Variants in LDLRAD3 observed in about 807,000 individuals in gnomAD.
LDLRAD3 encodes the protein low-density lipoprotein receptor class A domain-containing protein 3.
In LDLRAD3, 20 loss-of-function variants were observed where a neutral mutation model predicts 29.4. That is an observed-to-expected ratio of 0.68 (90% CI 0.48 to 0.99). LDLRAD3 has a LOEUF of 0.99. Ranked by LOEUF, LDLRAD3 falls within the 50% of genes least tolerant of loss-of-function variation. LDLRAD3 has a pLI of 0.00. For synonymous variants in LDLRAD3, 157 were observed against 192.7 expected (o/e 0.81, Z 1.53); for missense variants, 420 against 454.3 (o/e 0.92, Z 0.69).
At chr11:36,177,389 C>A (rs1425882876) in intron 4 of LDLRAD3, among the ~76,000 whole-genome samples, 2 of 152,070 alleles carry the variant, frequency 1.3e-5, no homozygotes, top group Non-Finnish European at 2.9e-5. Context: ...TGATAAAGAA[C>A]CTTGCTTTGT....
At chr11:36,209,095 C>T (rs934046120) in intron 4 of LDLRAD3, among the ~76,000 whole-genome samples, 4 of 152,144 alleles carry the variant, frequency 2.6e-5, no homozygotes, top group Non-Finnish European at 5.9e-5. Flanking sequence ...CAGAAAAACC[C>T]AAATTGAGGG....
intron 4 of LDLRAD3, among the ~76,000 whole-genome samples, chr11:36,136,998 C>T (rs1854014203): frequency 6.6e-6 from 1 of 152,136 alleles, no homozygotes; most frequent in African/African-American, 2.4e-5. Context: ...GCCTAAACCT[C>T]TTGTTTATAA....
At chr11:36,221,061 G>A (rs1208830223) in intron 4 of LDLRAD3, among the ~76,000 whole-genome samples, 1 of 152,102 alleles carries the variant, frequency 6.6e-6, no homozygotes, top group Non-Finnish European at 1.5e-5. Flanking sequence ...TAGGAGGTCA[G>A]GCTGGGCCAG....
At chr11:36,188,603 A>G (rs540513234) in intron 4 of LDLRAD3, among the ~76,000 whole-genome samples, 1 of 152,270 alleles carries the variant, frequency 6.6e-6, no homozygotes, top group African/African-American at 2.4e-5. Context: ...TTAGGAAGCT[A>G]TGACACTTTC....
chr11:36,206,058 G>A (rs192594904), intron 4 of LDLRAD3, among the ~76,000 whole-genome samples: 2 of 152,314 alleles, frequency 1.3e-5, no homozygotes, highest in Admixed American at 1.3e-4. Flanking sequence ...TTGGTCTGGA[G>A]TTATTTCTTA....
chr11:36,032,391 A>G (rs535616139), intron 1 of LDLRAD3, among the ~76,000 whole-genome samples: 3 of 152,144 alleles, frequency 2.0e-5, no homozygotes, highest in Non-Finnish European at 2.9e-5. Flanking sequence ...TTTGTAAACT[A>G]TGGCCAGAGT....
chr11:36,010,840 T>C (rs562984264), intron 1 of LDLRAD3, among the ~76,000 whole-genome samples: 5 of 152,260 alleles, frequency 3.3e-5, no homozygotes, highest in African/African-American at 9.6e-5. Flanking sequence ...AGTTTCGCTC[T>C]TGTTGCCTAG....
At chr11:35,967,549 T>C (rs992182028) in intron 1 of LDLRAD3, 27 of 378,506 alleles carry the variant, frequency 7.1e-5, no homozygotes, top group African/African-American at 5.8e-4. Flanking sequence ...GTTTGCTTAT[T>C]GATGTCACAT....
chr11:35,968,507 T>C lies in LDLRAD3; in HGVS notation c.46+24363T>C. 8.5e-6 allele frequency: 3 copies of C among 351,350 alleles called. No homozygotes were observed. The South Asian group carries it at 8.9e-5, about 10-fold the overall frequency. The allele number at this position is 351,350 out of a possible 1,614,324, so 21.8% of individuals were successfully genotyped here. A position where few individuals can be genotyped will look rare whatever the true frequency, so the allele number is the denominator to read the frequency against. On this transcript the variant is annotated intron_variant, in intron 1 of 5. Transcript: ENST00000315571. ...TTCTTTTTCTTTTTCCCGAGGTGTG[T>C]TGAGTTCATGCACGTTACTGAGAGG...
chr11:35,947,198 A>T (rs536471245), intron 1 of LDLRAD3, among the ~76,000 whole-genome samples: 34 of 152,314 alleles, frequency 2.2e-4, no homozygotes, highest in Non-Finnish European at 4.3e-4. Context: ...ACTTATAATC[A>T]AGTAATTTCA....
rs985043659 is a variant in LDLRAD3 at position 36,231,011 on chromosome 11, G to A, written c.*1614G>A. On this transcript the variant is annotated 3_prime_UTR_variant, in exon 6 of 6. Coordinates refer to ENST00000315571, the MANE Select transcript of LDLRAD3 (RefSeq NM_174902.4). ...GGGCCCGCCTCCCTGCAGGAATAAG[G>A]GGTAAAACGTTAGGTGTTGTTTGGC... 10 of 152,664 alleles carry A rather than the reference G, an allele frequency of 6.6e-5. No homozygotes were observed. The highest frequency in any genetic ancestry group is 2.4e-4 in the African/African-American group (10 of 41,536). 9.5% of individuals were successfully genotyped at this position (152,664 alleles called of 1,614,324 possible).
Position 36,104,572 on chromosome 11 carries a change from A to G in LDLRAD3, c.454+6111A>G, listed in dbSNP as rs146196284. Among the ~76,000 whole-genome samples the G allele has an allele frequency of 2.9e-3, 443 of 152,264 alleles. 2 individuals carry two copies. The highest frequency in any genetic ancestry group is 0.01 in the African/African-American group (427 of 41,540). On this transcript the variant is annotated intron_variant, in intron 4 of 5. Coordinates refer to ENST00000315571, the MANE Select transcript of LDLRAD3 (RefSeq NM_174902.4). ...CCTTTGGAAGATCATGCAGGGGTTT[A>G]TAAGAATAGCAAACATTTGGAGTAC...
At chr11:35,955,513 A>G (rs1851190401) in intron 1 of LDLRAD3, among the ~76,000 whole-genome samples, 1 of 152,214 alleles carries the variant, frequency 6.6e-6, no homozygotes, top group Non-Finnish European at 1.5e-5. Context: ...AGTAAAATTC[A>G]AGAGATATAA....
chr11:36,042,081 G>GACCCTAT (rs1852390479), intron 2 of LDLRAD3, among the ~76,000 whole-genome samples: 4 of 152,128 alleles, frequency 2.6e-5, no homozygotes, highest in Non-Finnish European at 5.9e-5. Context: ...GGTTGAGAGG[G>GACCCTAT]CAAGTTTGGG....
At position 36,188,544 on chromosome 11, in the gene LDLRAD3, T is replaced by C. The variant is rs575442585; in HGVS notation, c.455-38541T>C. 2.6e-5 allele frequency among the ~76,000 whole-genome samples: 4 copies of C among 152,264 alleles called. No individual in the cohort carries two copies. The South Asian group carries it at 8.3e-4, about 32-fold the overall frequency. ...GGGAATTGGCAACTTGAGATAACTC[T>C]GGAAACAGAAGAGATGGGCTAAAAA... On this transcript the variant is annotated intron_variant, in intron 4 of 5. Transcript: ENST00000315571.
chr11:36,016,823 T>G (rs1467606855), intron 1 of LDLRAD3, among the ~76,000 whole-genome samples: 1 of 152,238 alleles, frequency 6.6e-6, no homozygotes, highest in African/African-American at 2.4e-5. Context: ...CCCTTCTGAC[T>G]CTATTGTGGC....
chr11:36,216,537 G>C (rs1855355131), intron 4 of LDLRAD3, among the ~76,000 whole-genome samples: 1 of 152,118 alleles, frequency 6.6e-6, no homozygotes, highest in African/African-American at 2.4e-5. Context: ...AATAACCCTA[G>C]GGGGTGGGTT....
chr11:35,986,411 T>C (rs745936388), intron 1 of LDLRAD3, among the ~76,000 whole-genome samples: 1 of 152,258 alleles, frequency 6.6e-6, no homozygotes. Flanking sequence ...AATGTGGTTT[T>C]ATCTTGGAAT....
intron 3 of LDLRAD3, among the ~76,000 whole-genome samples, chr11:36,096,410 C>A (rs879609451): frequency 1.3e-5 from 2 of 152,108 alleles, no homozygotes; most frequent in Non-Finnish European, 2.9e-5. Flanking sequence ...CTGTGCTGGG[C>A]CTGGCGTCTG....
Sources: allele counts gnomAD v4.1 joint callset (sites outside exome capture counted in the v4.1 genomes callset), GRCh38; gene constraint gnomAD v4.1.1; transcripts MANE v1.5; gene names NCBI Gene and HGNC (gene_info 2026-07-23, HGNC 2026-07-21).